Variants in TM9SF3 observed in about 807,000 individuals in gnomAD.
TM9SF3 encodes the protein transmembrane 9 superfamily member 3.
In TM9SF3, 14 loss-of-function variants were observed where a neutral mutation model predicts 78.6. The observed-to-expected ratio is 0.18, with a 90% CI of 0.12 to 0.28. The LOEUF (loss-of-function observed/expected upper bound fraction) is 0.28, where lower values mean the gene tolerates loss of function less well. Among genes scored for constraint, TM9SF3 ranks in the 10% least tolerant of loss-of-function variants. The pLI is 1.00. For synonymous variants in TM9SF3, 231 were observed against 241.7 expected (o/e 0.96, Z 0.41); for missense variants, 496 against 721.9 (o/e 0.69, Z 3.59).
Position 96,518,302 on chromosome 10 carries a change from G to A in TM9SF3, c.*3961C>T, listed in dbSNP as rs1847719290. On this transcript the variant is annotated 3_prime_UTR_variant, in exon 15 of 15. Coordinates refer to ENST00000371142, the MANE Select transcript of TM9SF3 (RefSeq NM_020123.4). ...TCATCAGGCAATAATTGTTTCCTTG[G>A]AACTCTGCACCGACTGTCCATGCTC... 6.6e-6 allele frequency: 1 copy of A among 152,190 alleles called. No individual in the cohort carries two copies. Among genetic ancestry groups the A allele is most frequent in the African/African-American group, 2.4e-5 (1 of 41,536 alleles). The allele number at this position is 152,190 out of a possible 1,614,324, so 9.4% of individuals were successfully genotyped here.
rs755543649 is a variant in TM9SF3, at chr10:96,540,994, T to A, written c.1185+3082A>T. Reference sequence around the variant, plus strand: ...GGTTTCACCACATTGGCCATGGTGATCTCAGGTGATCCACCCACCTCAGCC... The same window carrying A: ...GGTTTCACCACATTGGCCATGGTGAACTCAGGTGATCCACCCACCTCAGCC... On this transcript the variant is annotated intron_variant, in intron 9 of 14. Transcript: ENST00000371142. 1.6e-3 allele frequency among the ~76,000 whole-genome samples: 247 copies of A among 152,046 alleles called. 5 individuals are homozygous for A. The highest frequency in any genetic ancestry group is 1.5e-3 in the Non-Finnish European group (104 of 67,958).
At chr10:96,559,891 G>A (rs1443795998) in intron 4 of TM9SF3, among the ~76,000 whole-genome samples, 155 bp from the exon 5 acceptor site, 3 of 152,164 alleles carry the variant, frequency 2.0e-5, no homozygotes, top group Non-Finnish European at 4.4e-5. Flanking sequence ...AAGTGGAAAC[G>A]ATTATGATAA....
chr10:96,576,482 G>C (rs962761930), intron 2 of TM9SF3, 152 bp downstream of exon 2: 1 of 632,460 alleles, frequency 1.6e-6, no homozygotes. Context: ...CATCTGGGGG[G>C]TACAGGCCAG....
At chr10:96,561,363 G>A (rs1419344112) in intron 4 of TM9SF3, among the ~76,000 whole-genome samples, 2 of 152,116 alleles carry the variant, frequency 1.3e-5, no homozygotes, top group East Asian at 3.8e-4. Flanking sequence ...AGGTACATAT[G>A]CACAAGGCTT....
intron 2 of TM9SF3, among the ~76,000 whole-genome samples, chr10:96,575,211 TA>T (rs1848483517): frequency 6.6e-6 from 1 of 152,202 alleles, no homozygotes; most frequent in Non-Finnish European, 1.5e-5. Flanking sequence ...TCCTCTTTAA[TA>T]AACTAGAAAT....
chr10:96,577,786 T>G (rs553635218), intron 1 of TM9SF3, among the ~76,000 whole-genome samples: 2 of 152,212 alleles, frequency 1.3e-5, no homozygotes, highest in Non-Finnish European at 2.9e-5. Flanking sequence ...ATGTGTTCCC[T>G]GTCCTACTGG....
At chr10:96,557,011 C>T (rs1848241724) in intron 5 of TM9SF3, among the ~76,000 whole-genome samples, 1 of 152,184 alleles carries the variant, frequency 6.6e-6, no homozygotes, top group Admixed American at 6.5e-5. Context: ...AAGCCCTTAA[C>T]TGAACTCCCC....
intron 2 of TM9SF3, among the ~76,000 whole-genome samples, chr10:96,566,802 G>C (rs1028869389): frequency 2.0e-5 from 3 of 152,210 alleles, no homozygotes; most frequent in African/African-American, 7.2e-5. Flanking sequence ...AAAACTGACA[G>C]CAAGAGATCC....
At chr10:96,530,922 C>T (rs528789143) in intron 10 of TM9SF3, among the ~76,000 whole-genome samples, 3 of 152,290 alleles carry the variant, frequency 2.0e-5, no homozygotes, top group African/African-American at 7.2e-5. Flanking sequence ...CCCATAACTT[C>T]TTAGAACTCT....
At chr10:96,584,632 T>C (rs1050533370) in intron 1 of TM9SF3, among the ~76,000 whole-genome samples, 1 of 152,000 alleles carries the variant, frequency 6.6e-6, no homozygotes, top group African/African-American at 2.4e-5. Context: ...CGGGCCAACA[T>C]GGCGAAATCC....
chr10:96,576,790 C>A lies in TM9SF3; in HGVS notation c.142G>T (p.Val48Phe). The change falls in exon 2 of 15, where the codon GTT becomes TTT. Residue 48 changes from valine to phenylalanine, a missense_variant. This residue lies in a region of TM9SF3 where 155 missense variants were observed against 241.6 expected (regional missense o/e 0.64). Transcript: ENST00000371142. ...KEEVVLWMNT[V>F]GPYHNRQETY... ...TCTTGACGATTATGGTAGGGCCCAA[C>A]AGTATTCATCCATAAGACAACTTCC... 6.4e-7 allele frequency: 1 copy of A among 1,571,252 alleles called. No individual in the cohort carries two copies. Among genetic ancestry groups the A allele is most frequent in the Non-Finnish European group, 8.6e-7 (1 of 1,163,740 alleles).
intron 2 of TM9SF3, among the ~76,000 whole-genome samples, chr10:96,575,149 T>C (rs1207296402): frequency 6.6e-6 from 1 of 152,164 alleles, no homozygotes; most frequent in Non-Finnish European, 1.5e-5. Context: ...ATGAAATCTG[T>C]ACACAGTAGC....
intron 7 of TM9SF3, among the ~76,000 whole-genome samples, chr10:96,549,036 T>C (rs1451910009): frequency 2.0e-5 from 3 of 152,078 alleles, no homozygotes; most frequent in Non-Finnish European, 4.4e-5. Context: ...GTATTTAGCC[T>C]ACACCTGCCA....
intron 1 of TM9SF3, among the ~76,000 whole-genome samples, chr10:96,580,771 G>C (rs182868053): frequency 6.6e-6 from 1 of 152,164 alleles, no homozygotes; most frequent in East Asian, 1.9e-4. Context: ...TACATACTAT[G>C]AGCTAGGTAT....
intron 5 of TM9SF3, among the ~76,000 whole-genome samples, chr10:96,556,174 A>G (rs1043933134): frequency 6.6e-6 from 1 of 152,192 alleles, no homozygotes; most frequent in African/African-American, 2.4e-5. Flanking sequence ...GGGTTTACTA[A>G]CCCTACTAAT....
rs550341377 is a variant in TM9SF3, at chr10:96,526,709, G to C, written c.1702+504C>G. On this transcript the variant is annotated intron_variant, in intron 14 of 14. Transcript: ENST00000371142. The stretch of plus-strand genomic sequence containing the variant: ...TTAAGTCCAGTCTGTAGATACCCAA[G>C]TATGCAATCATAACAAGTAAACTGT... 1.6e-4 allele frequency among the ~76,000 whole-genome samples: 24 copies of C among 152,232 alleles called. No individual in the cohort carries two copies. In the South Asian group the frequency reaches 4.8e-3, roughly 30 times the overall value.
chr10:96,576,539 A>G, intron 2 of TM9SF3, 95 bp downstream of exon 2: 1 of 1,196,900 alleles, frequency 8.4e-7, no homozygotes, highest in South Asian at 1.6e-5. Context: ...TCCATACAAC[A>G]AAGAATTATC....
intron 14 of TM9SF3, among the ~76,000 whole-genome samples, chr10:96,525,688 C>A (rs1354630046): frequency 1.3e-5 from 2 of 152,028 alleles, no homozygotes; most frequent in African/African-American, 4.8e-5. Flanking sequence ...AAATTATCCA[C>A]TCTCTGGAAA....
intron 6 of TM9SF3, among the ~76,000 whole-genome samples, 182 bp downstream of exon 6, chr10:96,552,746 T>C (rs899825047): frequency 2.6e-4 from 39 of 152,292 alleles, no homozygotes; most frequent in Admixed American, 2.4e-3. Context: ...AAATTAATAT[T>C]ATTTGATTAC....
Sources: gnomAD v4.1 joint callset for allele counts (sites outside exome capture counted in the v4.1 genomes callset) on GRCh38, gnomAD v4.1.1 for gene constraint, gnomAD v4.1.1 regional missense constraint, MANE v1.5 for transcripts, NCBI Gene and HGNC (gene_info 2026-07-23, HGNC 2026-07-21) for gene names.